Variants in ST3GAL6 observed in about 807,000 individuals in gnomAD.
ST3GAL6 encodes type 2 lactosamine alpha-2,3-sialyltransferase.
In ST3GAL6, 31 loss-of-function variants were observed where a neutral mutation model predicts 40.5. The ratio of observed to expected loss-of-function variants is 0.77; its 90% CI spans 0.58 to 1.03. ST3GAL6 has a LOEUF of 1.03. Among genes scored for constraint, ST3GAL6 ranks in the 50% least tolerant of loss-of-function variants. ST3GAL6 has a pLI of 0.00. For missense variants in ST3GAL6, 357 were observed against 393.2 expected (o/e 0.91, Z 0.78); for synonymous variants, 129 against 136.9 (o/e 0.94, Z 0.40).
intron 5 of ST3GAL6, chr3:98,782,397 T>C: frequency 7.5e-6 from 5 of 668,766 alleles, no homozygotes; most frequent in East Asian, 2.7e-5. Context: ...CAGAAAAAAG[T>C]CAAAAGGCTG....
At chr3:98,732,696 T>C in intron 1 of ST3GAL6, 1 of 656,266 alleles carries the variant, frequency 1.5e-6, no homozygotes, top group South Asian at 2.6e-5. Flanking sequence ...CCGGAGGCGC[T>C]CGGCGCAGTC....
Position 98,784,974 on chromosome 3 carries a change from G to A in ST3GAL6, c.365G>A (p.Gly122Asp). 2 of 1,546,422 alleles carry A rather than the reference G, an allele frequency of 1.3e-6. No homozygotes were observed. Among genetic ancestry groups the A allele is most frequent in the Non-Finnish European group, 1.8e-6 (2 of 1,137,426 alleles). The change falls in exon 6 of 10, where the codon GGT (glycine) becomes GAT (aspartate). Residue 122 changes from glycine (G) to aspartate (D), a missense_variant. Coordinates refer to ENST00000483910, the MANE Select transcript of ST3GAL6 (RefSeq NM_001323368.2). ...CCCTGTAAAAAGTGTGTGGTGGTTG[G>A]TAATGGAGGAGTTTTGAAGAATAAG... Reference protein sequence around the residue: ...NIPCKKCVVVGNGGVLKNKTL... With the variant: ...NIPCKKCVVVDNGGVLKNKTL...
At chr3:98,757,166 A>T (rs1401673696) in intron 1 of ST3GAL6, among the ~76,000 whole-genome samples, 2 of 152,244 alleles carry the variant, frequency 1.3e-5, no homozygotes, top group African/African-American at 4.8e-5. Flanking sequence ...CCATGAATAT[A>T]TGCAGGCACT....
At chr3:98,770,521 G>C (rs200821837) in intron 2 of ST3GAL6, 12 of 197,418 alleles carry the variant, frequency 6.1e-5, no homozygotes, top group South Asian at 1.9e-4. Context: ...GTGCCCTTGG[G>C]GTGAGTTTCG....
intron 1 of ST3GAL6, among the ~76,000 whole-genome samples, chr3:98,743,852 G>A (rs1029973667): frequency 1.3e-5 from 2 of 152,120 alleles, no homozygotes; most frequent in African/African-American, 4.8e-5. Context: ...GGCTGAGGGT[G>A]AGCCTTGGGC....
chr3:98,742,707 T>A (rs572498764), intron 1 of ST3GAL6, among the ~76,000 whole-genome samples: 1,548 of 151,632 alleles, frequency 0.01, 22 homozygotes, highest in African/African-American at 0.036. Flanking sequence ...TTTTTTTTTT[T>A]TTCTTTTTGA....
intron 1 of ST3GAL6, among the ~76,000 whole-genome samples, chr3:98,743,649 C>G (rs2107296460): frequency 6.6e-6 from 1 of 152,320 alleles, no homozygotes; most frequent in South Asian, 2.1e-4. Context: ...CCCAGGCAAG[C>G]TGCCTCCAGA....
intron 5 of ST3GAL6, chr3:98,782,633 T>TCTG (rs1940247603): frequency 3.3e-5 from 11 of 331,820 alleles, no homozygotes; most frequent in South Asian, 2.5e-4. Context: ...AGCTGGCCTC[T>TCTG]CTTCTGAAAA....
chr3:98,772,880 G>T lies in ST3GAL6; in HGVS notation c.235G>T (p.Asp79Tyr). ...AAAGATTGCTTCCTTGTATGGTAGCGATAAGTTTGATTTGCCCTATGGGAT... is the reference window on the plus strand; with the variant it reads ...AAAGATTGCTTCCTTGTATGGTAGCTATAAGTTTGATTTGCCCTATGGGAT... The part of the protein sequence containing the change: ...FRKIASLYGS[D>Y]KFDLPYGMRT... The change falls in exon 4 of 10, where the codon GAT becomes TAT. Residue 79 changes from aspartate (D) to tyrosine (Y), a missense_variant. Asp to Tyr is a radical substitution (Grantham distance 160). Transcript: ENST00000483910. 6.2e-7 allele frequency: 1 copy of T among 1,612,712 alleles called. No individual in the cohort carries two copies. Among genetic ancestry groups the T allele is most frequent in the Non-Finnish European group, 8.5e-7 (1 of 1,178,992 alleles).
intron 1 of ST3GAL6, among the ~76,000 whole-genome samples, chr3:98,768,003 AGAAAT>A (rs1466069336): frequency 2.6e-5 from 4 of 152,242 alleles, no homozygotes; most frequent in East Asian, 3.8e-4. Flanking sequence ...CAAGCACTGA[AGAAAT>A]GAAATATTCA....
chr3:98,786,981 T>TGTGTGA (rs1940786222), intron 6 of ST3GAL6, among the ~76,000 whole-genome samples: 1 of 151,606 alleles, frequency 6.6e-6, no homozygotes, highest in African/African-American at 2.4e-5. Context: ...TGTGTGTGTG[T>TGTGTGA]GTGTTAGGAG....
rs375791804 is a variant in ST3GAL6, at chr3:98,788,056, T to A, written c.452T>A (p.Leu151Ter). The A allele has an allele frequency of 6.2e-6, 10 of 1,613,678 alleles. No individual in the cohort carries two copies. The highest frequency in any genetic ancestry group is 8.5e-6 in the Non-Finnish European group (10 of 1,179,850). ...CACAGAATGAATAATGGTCCTGTTT[T>A]AGGACATGAAGAAGAAGTTGGGAGA... The part of the protein sequence containing the change: ...VIIRMNNGPV[L>*]GHEEEVGRRT... The change falls in exon 7 of 10, where the codon TTA becomes TAA. Residue 151 changes from leucine (L) to a stop codon, truncating the protein, a stop_gained. Coordinates refer to ENST00000483910, the MANE Select transcript of ST3GAL6 (RefSeq NM_001323368.2). LOFTEE classifies it high-confidence loss of function.
At chr3:98,784,091 A>G (rs1466200941) in intron 5 of ST3GAL6, among the ~76,000 whole-genome samples, 1 of 152,230 alleles carries the variant, frequency 6.6e-6, no homozygotes, top group Admixed American at 6.5e-5. Context: ...CACGGGTCTT[A>G]GGGAAACAGT....
chr3:98,769,762 G>A (rs1456914608), intron 2 of ST3GAL6, among the ~76,000 whole-genome samples: 1 of 152,116 alleles, frequency 6.6e-6, no homozygotes, highest in East Asian at 1.9e-4. Flanking sequence ...ACATATAATT[G>A]TGTTTTTCTT....
At chr3:98,768,119 A>T (rs555870097) in intron 1 of ST3GAL6, among the ~76,000 whole-genome samples, 1 of 152,326 alleles carries the variant, frequency 6.6e-6, no homozygotes, top group East Asian at 1.9e-4. Flanking sequence ...GTAAAATTTT[A>T]TTCTGAAGGA....
intron 1 of ST3GAL6, chr3:98,733,277 G>A: frequency 1.0e-6 from 1 of 985,100 alleles, no homozygotes; most frequent in Non-Finnish European, 1.2e-6. Context: ...GGATCCTGGA[G>A]CCCCAGTGAA....
intron 3 of ST3GAL6, among the ~76,000 whole-genome samples, 176 bp from the exon 4 acceptor site, chr3:98,772,637 A>G (rs112041293): frequency 1.4e-4 from 19 of 135,820 alleles, no homozygotes; most frequent in Middle Eastern, 3.9e-3. Flanking sequence ...ACCCCATTCT[A>G]TGCAATATTT....
intron 9 of ST3GAL6, 60 bp downstream of exon 9, chr3:98,792,053 A>G: frequency 4.9e-6 from 7 of 1,424,648 alleles, no homozygotes; most frequent in Non-Finnish European, 4.6e-6. Context: ...GAGGGATGGA[A>G]AGCCCATATT....
chr3:98,772,677 T>TA (rs1229678198), intron 3 of ST3GAL6, 136 bp from the exon 4 acceptor site: 10 of 497,352 alleles, frequency 2.0e-5, no homozygotes, highest in Admixed American at 3.5e-5. Context: ...TTTTAAAAAT[T>TA]AAAAAAAATT....
Sources: gnomAD v4.1 joint callset for allele counts (sites outside exome capture counted in the v4.1 genomes callset) on GRCh38, gnomAD v4.1.1 for gene constraint, MANE v1.5 for transcripts, NCBI Gene and HGNC (gene_info 2026-07-23, HGNC 2026-07-21) for gene names.